SLC25A21: variants seen among roughly 807,000 people sequenced by gnomAD.
The protein encoded by SLC25A21 is solute carrier family 25 member 21, also known as mitochondrial 2-oxodicarboxylate carrier.
Under a neutral mutation model 43.8 loss-of-function variants are expected in SLC25A21, and 47 were observed. The observed-to-expected ratio is 1.07, with a 90% confidence interval of 0.85 to 1.37. The LOEUF is 1.37. Ranked by LOEUF, SLC25A21 falls within the 40% of genes most tolerant of loss-of-function variation. SLC25A21 has a pLI of 0.00. For synonymous variants in SLC25A21, 131 were observed against 121.3 expected (o/e 1.08, Z -0.52); for missense variants, 352 against 350.2 (o/e 1.00, Z -0.04).
chr14:36,726,675 T>G (rs1158714282), intron 5 of SLC25A21, among the ~76,000 whole-genome samples: 1 of 152,082 alleles, frequency 6.6e-6, no homozygotes, highest in Admixed American at 6.6e-5. Context: ...GCATCAAAAA[T>G]AAGCACAACA....
chr14:36,902,807 G>A (rs1029723408), intron 1 of SLC25A21, among the ~76,000 whole-genome samples: 4 of 151,836 alleles, frequency 2.6e-5, no homozygotes, highest in African/African-American at 9.7e-5. Flanking sequence ...GACTAGCTTG[G>A]GCATCTCTAC....
intron 1 of SLC25A21, among the ~76,000 whole-genome samples, chr14:37,099,083 A>G (rs1214316533): frequency 6.6e-6 from 1 of 152,082 alleles, no homozygotes; most frequent in East Asian, 1.9e-4. Flanking sequence ...GATTACAGAC[A>G]TAAGCCACCA....
chr14:37,126,226 A>C (rs1345982942), intron 1 of SLC25A21, among the ~76,000 whole-genome samples: 2 of 152,170 alleles, frequency 1.3e-5, no homozygotes, highest in Non-Finnish European at 2.9e-5. Context: ...TGTGCTGACT[A>C]TCACAGACCT....
chr14:37,165,584 T>A (rs1594828475), intron 1 of SLC25A21, among the ~76,000 whole-genome samples: 1 of 151,792 alleles, frequency 6.6e-6, no homozygotes, highest in South Asian at 2.1e-4. Context: ...AGGAGGAGGG[T>A]CCTGGAGTTG....
At position 36,684,768 on chromosome 14, in the gene SLC25A21, A is replaced by G; in HGVS notation, c.761T>C (p.Met254Thr). 1 of 1,607,746 alleles carries G rather than the reference A, an allele frequency of 6.2e-7. No homozygotes were observed. Among genetic ancestry groups the G allele is most frequent in the Non-Finnish European group, 8.5e-7 (1 of 1,177,822 alleles). ...EIKYRTCFKT[M>T]ATVYQEEGIL... ...CCCTTCTTCCTGATAGACTGTTGCC[A>G]TTGTTTTAAAACAGGTTCTGTACTT... Residue 254 changes from methionine (M) to threonine (T), a missense_variant, in exon 8 of 10, where the codon ATG becomes ACG. Met to Thr is a moderately conservative substitution (Grantham distance 81, BLOSUM62 -1). Transcript: ENST00000331299.
chr14:36,949,591 G>A (rs1892756725), intron 1 of SLC25A21, among the ~76,000 whole-genome samples: 1 of 151,822 alleles, frequency 6.6e-6, no homozygotes. Flanking sequence ...CTACTCAAAG[G>A]GCTTCTCCTT....
chr14:36,725,525 A>AAATAAATT (rs1555323134), intron 6 of SLC25A21, 45 bp downstream of exon 6: 8 of 635,346 alleles, frequency 1.3e-5, no homozygotes, highest in Non-Finnish European at 1.9e-5. Context: ...ATAAATAAAT[A>AAATAAATT]AATTTTTACA....
At chr14:37,080,744 T>G (rs2138837802) in intron 1 of SLC25A21, among the ~76,000 whole-genome samples, 1 of 152,330 alleles carries the variant, frequency 6.6e-6, no homozygotes, top group Middle Eastern at 3.4e-3. Context: ...TACTTATAAG[T>G]GACTGGCTCA....
intron 1 of SLC25A21, among the ~76,000 whole-genome samples, chr14:37,093,793 C>T (rs1962633783): frequency 6.6e-6 from 1 of 152,176 alleles, no homozygotes; most frequent in South Asian, 2.1e-4. Flanking sequence ...CTGAATTTCT[C>T]TCCAACGTGG....
intron 2 of SLC25A21, among the ~76,000 whole-genome samples, chr14:36,849,798 C>T (rs1168648982): frequency 6.6e-6 from 1 of 152,174 alleles, no homozygotes; most frequent in Non-Finnish European, 1.5e-5. Flanking sequence ...TTCATTAGAA[C>T]CTCTCATCTT....
At chr14:37,059,547 T>C (rs1163891598) in intron 1 of SLC25A21, among the ~76,000 whole-genome samples, 3 of 152,176 alleles carry the variant, frequency 2.0e-5, no homozygotes, top group African/African-American at 4.8e-5. Flanking sequence ...AAAGGAGAAT[T>C]GGGTTTTTTT....
chr14:37,050,748 A>C (rs911092875), intron 1 of SLC25A21, among the ~76,000 whole-genome samples: 1 of 152,208 alleles, frequency 6.6e-6, no homozygotes, highest in African/African-American at 2.4e-5. Flanking sequence ...ATAATAACCA[A>C]GTACTTCTCA....
chr14:36,943,891 C>A (rs1416263376), intron 1 of SLC25A21, among the ~76,000 whole-genome samples: 1 of 151,936 alleles, frequency 6.6e-6, no homozygotes, highest in East Asian at 1.9e-4. Flanking sequence ...AACATATTTC[C>A]CTGTAACAAG....
At chr14:37,001,708 C>T (rs1282920778) in intron 1 of SLC25A21, among the ~76,000 whole-genome samples, 1 of 152,084 alleles carries the variant, frequency 6.6e-6, no homozygotes, top group Non-Finnish European at 1.5e-5. Flanking sequence ...AGACACATTG[C>T]CTACTCACAA....
chr14:36,738,018 T>C (rs116548803), intron 3 of SLC25A21, among the ~76,000 whole-genome samples: 220 of 152,324 alleles, frequency 1.4e-3, no homozygotes, highest in Middle Eastern at 0.01. Flanking sequence ...GCATTCATCA[T>C]TTATAACCCA....
chr14:37,103,459 C>T (rs768486651), intron 1 of SLC25A21, among the ~76,000 whole-genome samples: 1 of 152,170 alleles, frequency 6.6e-6, no homozygotes, highest in South Asian at 2.1e-4. Flanking sequence ...AACTACCATG[C>T]TTTGAGCTTT....
intron 1 of SLC25A21, among the ~76,000 whole-genome samples, chr14:37,045,408 C>T (rs1961566514): frequency 6.6e-6 from 1 of 152,076 alleles, no homozygotes; most frequent in Non-Finnish European, 1.5e-5. Flanking sequence ...TGTGAGATCA[C>T]ATACAGTTGA....
chr14:36,923,282 C>T (rs543175552), intron 1 of SLC25A21, among the ~76,000 whole-genome samples: 1 of 152,098 alleles, frequency 6.6e-6, no homozygotes, highest in Admixed American at 6.6e-5. Context: ...AAATTTTAAG[C>T]CAAAAGCAAT....
chr14:37,034,210 G>A (rs1961278895), intron 1 of SLC25A21, among the ~76,000 whole-genome samples: 1 of 152,034 alleles, frequency 6.6e-6, no homozygotes, highest in Admixed American at 6.6e-5. Flanking sequence ...TAGAGACAGG[G>A]TTTCATCATG....
Sources: allele counts gnomAD v4.1 joint callset (sites outside exome capture counted in the v4.1 genomes callset), GRCh38; gene constraint gnomAD v4.1.1; transcripts MANE v1.5; gene names NCBI Gene and HGNC (gene_info 2026-07-23, HGNC 2026-07-21).